Variants in DPYS observed in about 807,000 individuals in gnomAD.
The protein encoded by DPYS is dihydropyrimidinase, also known as dihydropyrimidine amidohydrolase.
In DPYS, 39 loss-of-function variants were observed where a neutral mutation model predicts 50.3. The ratio of observed to expected loss-of-function variants is 0.78; its 90% CI spans 0.60 to 1.01. DPYS has a LOEUF of 1.01. Ranked by LOEUF, DPYS falls within the 50% of genes least tolerant of loss-of-function variation. The pLI is 0.00. For missense variants in DPYS, 659 were observed against 680.9 expected, an observed-to-expected ratio of 0.97 and a Z score of 0.36; for synonymous variants, 245 against 250.7, an observed-to-expected ratio of 0.98 and a Z score of 0.22.
intron 7 of DPYS, among the ~76,000 whole-genome samples, chr8:104,414,342 G>A (rs1006747693): frequency 1.3e-5 from 2 of 152,096 alleles, no homozygotes. Context: ...ATCAGAAGCC[G>A]CTGGAGGGCT....
chr8:104,381,855 C>CACACACACACACAT (rs1811058491), intron 8 of DPYS, among the ~76,000 whole-genome samples: 1 of 110,646 alleles, frequency 9.0e-6, no homozygotes, highest in Non-Finnish European at 1.8e-5. Context: ...TTTGAAATCA[C>CACACACACACACAT]ACACACACAC....
Position 104,443,929 on chromosome 8 carries a change from A to G in DPYS, c.793+319T>C, listed in dbSNP as rs867628930. On this transcript the variant is annotated intron_variant, in intron 4 of 9. Transcript: ENST00000351513. ...ACAAAAACCGGAGAGCTTTGCATTTAGCTATCATATTTAAAAGTGGCTGCT... is the reference window on the plus strand; with the variant it reads ...ACAAAAACCGGAGAGCTTTGCATTTGGCTATCATATTTAAAAGTGGCTGCT... 3.3e-5 allele frequency among the ~76,000 whole-genome samples: 5 copies of G among 152,184 alleles called. No homozygotes were observed. In the South Asian group the frequency reaches 6.2e-4, roughly 19 times the overall value.
intron 1 of DPYS, among the ~76,000 whole-genome samples, chr8:104,454,627 G>A (rs1430115765): frequency 1.3e-5 from 2 of 152,156 alleles, no homozygotes; most frequent in African/African-American, 2.4e-5. Context: ...GTGTTTATAG[G>A]AGAAGCAGAA....
chr8:104,384,701 C>G (rs1045761844), intron 8 of DPYS, among the ~76,000 whole-genome samples: 1 of 152,158 alleles, frequency 6.6e-6, no homozygotes, highest in African/African-American at 2.4e-5. Context: ...CTCTGGCATC[C>G]CAGATGAATA....
At chr8:104,460,567 T>C (rs1042758139) in intron 1 of DPYS, among the ~76,000 whole-genome samples, 4 of 152,090 alleles carry the variant, frequency 2.6e-5, no homozygotes, top group African/African-American at 4.8e-5. Flanking sequence ...AACAGACTAA[T>C]AGAGACATTG....
intron 4 of DPYS, among the ~76,000 whole-genome samples, chr8:104,433,895 T>G (rs1813036915): frequency 6.6e-6 from 1 of 151,952 alleles, no homozygotes. Flanking sequence ...AAATGGAAAA[T>G]AGGAATTCCA....
chr8:104,454,668 T>C (rs1170382825), intron 1 of DPYS, among the ~76,000 whole-genome samples: 2 of 152,314 alleles, frequency 1.3e-5, no homozygotes, highest in East Asian at 1.9e-4. Context: ...AATAGTTAGA[T>C]TGTAATAACA....
chr8:104,392,891 C>T lies in DPYS; in HGVS notation c.1336G>A (p.Val446Met). The T allele has an allele frequency of 6.2e-7, 1 of 1,614,220 alleles. No individual in the cohort carries two copies. The highest frequency in any genetic ancestry group is 8.5e-7 in the Non-Finnish European group (1 of 1,180,032). Residue 446 changes from valine to methionine, a missense_variant, in exon 8 of 10, where the codon GTG (valine) becomes ATG (methionine). Physicochemically the swap from Val to Met is conservative, Grantham distance 21. Coordinates refer to ENST00000351513, the MANE Select transcript of DPYS (RefSeq NM_001385.3). ...VPLVTISRGKVVYEAGVFSVT... is the reference protein window; with the variant it reads ...VPLVTISRGKMVYEAGVFSVT... ...CTGAACACTCCGGCTTCATATACCA[C>T]TTTGCCTCTTGAAATAGTCACAAGG...
rs1814415701 is a variant in DPYS at position 104,466,697 on chromosome 8, A to G, written c.224T>C (p.Met75Thr). The G allele has an allele frequency of 6.5e-7, 1 of 1,531,310 alleles. No individual in the cohort carries two copies. Among genetic ancestry groups the G allele is most frequent in the Non-Finnish European group, 8.7e-7 (1 of 1,143,104 alleles). The allele number at this position is 1,531,310 out of a possible 1,614,324, so 94.9% of individuals were successfully genotyped here. Reference sequence around the variant, plus strand: ...GAAGTCGTCGATGGACCGCGAGCCCATGAAGGGGAACTGCATGTGCGTGTG... The same window carrying G: ...GAAGTCGTCGATGGACCGCGAGCCCGTGAAGGGGAACTGCATGTGCGTGTG... ...DTHTHMQFPF[M>T]GSRSIDDFHQ... is the part of the protein sequence containing the mutation. The change falls in exon 1 of 10, where the codon ATG becomes ACG. Residue 75 changes from methionine to threonine, a missense_variant. By Grantham distance (81) the Met-to-Thr change is moderately conservative. Transcript: ENST00000351513.
At chr8:104,457,493 C>T (rs897933046) in intron 1 of DPYS, among the ~76,000 whole-genome samples, 3 of 152,214 alleles carry the variant, frequency 2.0e-5, no homozygotes, top group Admixed American at 2.0e-4. Context: ...TCAGGGTACA[C>T]TACTGTATCC....
intron 8 of DPYS, among the ~76,000 whole-genome samples, chr8:104,391,591 ACT>A (rs1811390912): frequency 6.6e-6 from 1 of 152,056 alleles, no homozygotes; most frequent in South Asian, 2.1e-4. Context: ...ACTATTTCAA[ACT>A]CTGTGTGAAC....
intron 3 of DPYS, 62 bp from the exon 4 acceptor site, chr8:104,444,499 ATTTTATC>A: frequency 6.3e-7 from 1 of 1,579,678 alleles, no homozygotes; most frequent in Non-Finnish European, 8.7e-7. Context: ...AGATATCATT[ATTTTATC>A]ATAAATTAAA....
At position 104,424,381 on chromosome 8, in the gene DPYS, A is replaced by G. The variant is rs1812650202; in HGVS notation, c.1101T>C (p.Gly367=). 1.2e-6 allele frequency: 2 copies of G among 1,613,816 alleles called. No homozygotes were observed. The highest frequency in any genetic ancestry group is 1.7e-6 in the Non-Finnish European group (2 of 1,179,988). Residue 367 remains glycine (G), a synonymous_variant, in exon 7 of 10, where the codon GGT becomes GGC. Transcript: ENST00000351513. ...SVIWEKGVHS[G]KMDENRFVAV... is the part of the protein sequence containing the mutation. ...CCACAAATCTGTTTTCATCCATTTT[A>G]CCACTATGCTGTAAAGCAATTCAAA... is the stretch of plus-strand genomic sequence containing the variant.
chr8:104,385,488 A>C (rs917540383), intron 8 of DPYS, among the ~76,000 whole-genome samples: 4 of 152,174 alleles, frequency 2.6e-5, no homozygotes, highest in African/African-American at 7.2e-5. Flanking sequence ...CCCCCAGTAC[A>C]TGCTGGTCAA....
chr8:104,403,182 G>C (rs974886783), intron 7 of DPYS, among the ~76,000 whole-genome samples: 2 of 152,084 alleles, frequency 1.3e-5, no homozygotes, highest in Non-Finnish European at 1.5e-5. Flanking sequence ...GATCTGGCAG[G>C]GTGTCCACTG....
intron 7 of DPYS, among the ~76,000 whole-genome samples, chr8:104,397,243 C>T (rs1371332644): frequency 1.3e-5 from 2 of 152,220 alleles, no homozygotes; most frequent in East Asian, 1.9e-4. Flanking sequence ...TGAACATTTT[C>T]CTCCGTCGTT....
Position 104,381,489 on chromosome 8 carries a change from T to C in DPYS, c.1444-175A>G. 3 of 619,272 alleles carry C rather than the reference T, an allele frequency of 4.8e-6. No homozygotes were observed. In the South Asian group the frequency reaches 5.3e-5, roughly 11 times the overall value. The allele number at this position is 619,272 out of a possible 1,614,324, so 38.4% of individuals were successfully genotyped here. On this transcript the variant is annotated intron_variant, in intron 8 of 9. Transcript: ENST00000351513. ...TTCCTGGCAACCTTGAGAATCTGGA[T>C]TGTCCCACTTTTTGTGGGTATTAAT... is the stretch of plus-strand genomic sequence containing the variant.
At chr8:104,381,852 T>TCACACACACACACGCACA (rs1811057176) in intron 8 of DPYS, among the ~76,000 whole-genome samples, 1 of 123,872 alleles carries the variant, frequency 8.1e-6, no homozygotes, top group Non-Finnish European at 1.7e-5. Flanking sequence ...AGTTTTGAAA[T>TCACACACACACACGCACA]CACACACACA....
chr8:104,383,146 T>C (rs1811110306), intron 8 of DPYS, among the ~76,000 whole-genome samples: 1 of 152,202 alleles, frequency 6.6e-6, no homozygotes, highest in East Asian at 1.9e-4. Context: ...AGAACCCAGC[T>C]TGCAGGCTCT....
Sources: gnomAD v4.1 joint callset for allele counts (sites outside exome capture counted in the v4.1 genomes callset) on GRCh38, gnomAD v4.1.1 for gene constraint, MANE v1.5 for transcripts, NCBI Gene and HGNC (gene_info 2026-07-23, HGNC 2026-07-21) for gene names.